Variants in AHCTF1 observed in about 807,000 individuals in gnomAD.
AHCTF1 encodes AT-hook containing transcription factor 1.
A neutral mutation model predicts 248.4 loss-of-function variants in AHCTF1; 24 were observed. The observed-to-expected ratio is 0.10, with a 90% CI of 0.07 to 0.14. The LOEUF (loss-of-function observed/expected upper bound fraction) is 0.14. Among genes scored for constraint, AHCTF1 ranks in the 10% least tolerant of loss-of-function variants. The pLI is 1.00. For synonymous variants in AHCTF1, 786 were observed against 929.8 expected (o/e 0.85, Z 2.81); for missense variants, 2,206 against 2,636.2 (o/e 0.84, Z 3.57).
At chr1:246,879,709 T>C (rs774852868) in intron 21 of AHCTF1, among the ~76,000 whole-genome samples, 2 of 151,970 alleles carry the variant, frequency 1.3e-5, no homozygotes, top group South Asian at 2.1e-4. Context: ...ATGCCTGTAA[T>C]CCCAGCTACT....
intron 1 of AHCTF1, among the ~76,000 whole-genome samples, chr1:246,929,825 G>A (rs1354120614): frequency 6.6e-6 from 1 of 152,196 alleles, no homozygotes; most frequent in Non-Finnish European, 1.5e-5. Context: ...AGGCCAAGGC[G>A]GGCGGATCAC....
intron 21 of AHCTF1, among the ~76,000 whole-genome samples, chr1:246,878,413 A>AAAT (rs1437934885): frequency 6.6e-6 from 1 of 150,614 alleles, no homozygotes; most frequent in Non-Finnish European, 1.5e-5. Context: ...AAAAAAAAAA[A>AAAT]AAAAAAAAAA....
chr1:246,867,429 G>A (rs1206363892), intron 25 of AHCTF1, 78 bp from the exon 26 acceptor site: 24 of 1,018,358 alleles, frequency 2.4e-5, no homozygotes, highest in Middle Eastern at 4.1e-4. Context: ...AGAACAGAGG[G>A]TTTTCATTCG....
chr1:246,906,395 A>T (rs1779968), intron 5 of AHCTF1, among the ~76,000 whole-genome samples: 93,235 of 151,458 alleles, frequency 0.62, 31,308 homozygotes, highest in African/African-American at 0.9. Flanking sequence ...CTGACCAACA[A>T]GGTGAAAATC....
chr1:246,924,293 A>T (rs956793452), intron 1 of AHCTF1, among the ~76,000 whole-genome samples: 1 of 152,234 alleles, frequency 6.6e-6, no homozygotes, highest in Non-Finnish European at 1.5e-5. Flanking sequence ...AACTATTTCT[A>T]AAAATTAGCA....
chr1:246,840,516 T>C lies in AHCTF1; in HGVS notation c.*290A>G, dbSNP rs1659781463. The C allele has an allele frequency of 5.8e-6, 1 of 172,216 alleles. No individual in the cohort carries two copies. The highest frequency in any genetic ancestry group is 1.2e-5 in the Non-Finnish European group (1 of 81,680). 10.7% of individuals were successfully genotyped at this position (172,216 alleles called of 1,614,324 possible). ...ACTATTTAAACAGATATCCCCTCCC[T>C]TTCAAAAATCCAAGACACAAACGAC... is the stretch of plus-strand genomic sequence containing the variant. On this transcript the variant is annotated 3_prime_UTR_variant, in exon 36 of 36. Transcript: ENST00000648844.
At chr1:246,851,506 A>C in intron 32 of AHCTF1, 64 bp from the exon 33 acceptor site, 1 of 1,442,782 alleles carries the variant, frequency 6.9e-7, no homozygotes. Context: ...CTTGAAGCAC[A>C]CAGGTTTTTG....
chr1:246,849,362 AAGAG>A (rs1452773816), intron 33 of AHCTF1, among the ~76,000 whole-genome samples: 4 of 152,238 alleles, frequency 2.6e-5, no homozygotes, highest in African/African-American at 9.6e-5. Context: ...AAACTCACAG[AAGAG>A]AAATTACACT....
intron 7 of AHCTF1, among the ~76,000 whole-genome samples, chr1:246,903,491 T>C (rs1397842050): frequency 6.6e-6 from 1 of 152,168 alleles, no homozygotes; most frequent in African/African-American, 2.4e-5. Context: ...CTAATTTAAA[T>C]TACTTCTACT....
intron 33 of AHCTF1, among the ~76,000 whole-genome samples, chr1:246,847,862 G>C (rs538073728): frequency 6.6e-6 from 1 of 152,118 alleles, no homozygotes; most frequent in Admixed American, 6.5e-5. Context: ...ATTCCTCCAG[G>C]TCCTGAGGAG....
intron 1 of AHCTF1, among the ~76,000 whole-genome samples, chr1:246,926,852 G>A (rs1379485554): frequency 6.7e-6 from 1 of 149,864 alleles, no homozygotes; most frequent in African/African-American, 2.5e-5. Context: ...GCGAAACCCC[G>A]TTTCAAAACA....
At position 246,906,642 on chromosome 1, in the gene AHCTF1, C is replaced by T. The variant is rs189243217; in HGVS notation, c.764+909G>A. Among the ~76,000 whole-genome samples, 3 of 152,146 alleles carry T rather than the reference C, an allele frequency of 2.0e-5. No homozygotes were observed. In the East Asian group the frequency reaches 5.8e-4, roughly 29 times the overall value. On this transcript the variant is annotated intron_variant, in intron 5 of 35. Transcript: ENST00000648844. Reference sequence around the variant, plus strand: ...TAACAGCAAAGAGAGTTGAGATACACTTCCTATAAGATAAATTACTCAATA... The same window carrying T: ...TAACAGCAAAGAGAGTTGAGATACATTTCCTATAAGATAAATTACTCAATA...
chr1:246,861,791 T>C (rs181022038), intron 28 of AHCTF1, among the ~76,000 whole-genome samples, 168 bp downstream of exon 28: 17 of 152,378 alleles, frequency 1.1e-4, no homozygotes, highest in Admixed American at 7.8e-4. Flanking sequence ...CCAATGGCCC[T>C]AGTGTTTCTT....
chr1:246,927,806 C>A (rs1051233472), intron 1 of AHCTF1, among the ~76,000 whole-genome samples: 2 of 152,120 alleles, frequency 1.3e-5, no homozygotes, highest in Admixed American at 6.5e-5. Context: ...AGACCCAGAC[C>A]ATCCTGGCCA....
Position 246,891,042 on chromosome 1 carries a change from T to A in AHCTF1, c.1964A>T (p.Asn655Ile). ...ITERGLIDLS[N>I]KFVVSHLICQ... ...GATGAGGTGGGAAACCACAAACTTA[T>A]TGCTTAAGTCTATCAGTCCTGTAAA... The change falls in exon 16 of 36, where the codon AAT becomes ATT. Residue 655 changes from asparagine to isoleucine, a missense_variant. Coordinates refer to ENST00000648844, the MANE Select transcript of AHCTF1 (RefSeq NM_001323342.2). 1 of 1,555,898 alleles carries A rather than the reference T, an allele frequency of 6.4e-7. No individual in the cohort carries two copies. Among genetic ancestry groups the A allele is most frequent in the South Asian group, 1.3e-5 (1 of 78,362 alleles).
chr1:246,840,086 C>G lies in AHCTF1; in HGVS notation c.*720G>C, dbSNP rs1659749825. ...ATAAACAGATTTATTTTACATTTCC[C>G]TTTGTCAAACCCTTTGATAAGGTTG... On this transcript the variant is annotated 3_prime_UTR_variant, in exon 36 of 36. Coordinates refer to ENST00000648844, the MANE Select transcript of AHCTF1 (RefSeq NM_001323342.2). The G allele has an allele frequency of 6.6e-6, 1 of 152,610 alleles. No individual in the cohort carries two copies. Among genetic ancestry groups the G allele is most frequent in the South Asian group, 2.1e-4 (1 of 4,830 alleles). 9.5% of individuals were successfully genotyped at this position (152,610 alleles called of 1,614,324 possible).
chr1:246,863,905 T>C lies in AHCTF1; in HGVS notation c.3540+19A>G. ...AGCCATCTAGTTTGATTGTGAACGCTAGATGCGTAAATACTAACCTTAACT... is the reference window on the plus strand; with the variant it reads ...AGCCATCTAGTTTGATTGTGAACGCCAGATGCGTAAATACTAACCTTAACT... On this transcript the variant is annotated intron_variant, in intron 27 of 35. Coordinates refer to ENST00000648844, the MANE Select transcript of AHCTF1 (RefSeq NM_001323342.2). 2 of 1,611,680 alleles carry C rather than the reference T, an allele frequency of 1.2e-6. No homozygotes were observed. Among genetic ancestry groups the C allele is most frequent in the Non-Finnish European group, 1.7e-6 (2 of 1,178,026 alleles).
rs1045016134 is a variant in AHCTF1, at chr1:246,897,887, G to A, written c.1623+321C>T. 3.9e-5 allele frequency among the ~76,000 whole-genome samples: 6 copies of A among 151,946 alleles called. 2 individuals carry two copies. The highest frequency in any genetic ancestry group is 1.2e-4 in the African/African-American group (5 of 41,350). On this transcript the variant is annotated intron_variant, in intron 12 of 35. Transcript: ENST00000648844. ...TAGCTACTTGCGGGGGCTGGGGTGGGAAGATCGCTTAAGCCCAAGAGGTTG... is the reference window on the plus strand; with the variant it reads ...TAGCTACTTGCGGGGGCTGGGGTGGAAAGATCGCTTAAGCCCAAGAGGTTG...
At chr1:246,874,143 T>A (rs1662783045) in intron 24 of AHCTF1, among the ~76,000 whole-genome samples, 1 of 152,062 alleles carries the variant, frequency 6.6e-6, no homozygotes, top group Admixed American at 6.6e-5. Flanking sequence ...ATAAAACTCA[T>A]GACAAAGGGT....
Sources: allele counts gnomAD v4.1 joint callset (sites outside exome capture counted in the v4.1 genomes callset), GRCh38; gene constraint gnomAD v4.1.1; transcripts MANE v1.5; gene names NCBI Gene and HGNC (gene_info 2026-07-23, HGNC 2026-07-21).